The following PPP1R12B variants were observed in gnomAD, a reference collection of about 807,000 sequenced individuals.
PPP1R12B encodes protein phosphatase 1 regulatory subunit 12B, also known as myosin phosphatase target subunit 2.
A neutral mutation model predicts 126.1 loss-of-function variants in PPP1R12B; 76 were observed. The observed-to-expected ratio is 0.60, with a 90% CI of 0.50 to 0.73. The LOEUF (loss-of-function observed/expected upper bound fraction) is 0.73, where lower values mean the gene tolerates loss of function less well. Among genes scored for constraint, PPP1R12B ranks in the 30% least tolerant of loss-of-function variants. The pLI, the probability that PPP1R12B is intolerant of heterozygous loss-of-function variation, is 0.00. For missense variants in PPP1R12B, 1,052 were observed against 1,205.1 expected (o/e 0.87, Z 1.88); for synonymous variants, 356 against 434.7 (o/e 0.82, Z 2.25).
intron 18 of PPP1R12B, among the ~76,000 whole-genome samples, chr1:202,550,233 A>T (rs1273458322): frequency 1.3e-5 from 2 of 152,170 alleles, no homozygotes; most frequent in East Asian, 3.9e-4. Flanking sequence ...TCCTTTGTAA[A>T]AGTTTTGATT....
rs991519582 is a variant in PPP1R12B, at chr1:202,585,237, T to G, written c.*4677T>G. 21 of 152,304 alleles carry G rather than the reference T, an allele frequency of 1.4e-4. No individual in the cohort carries two copies. The highest frequency in any genetic ancestry group is 5.1e-4 in the African/African-American group (21 of 41,452). 9.4% of individuals were successfully genotyped at this position (152,304 alleles called of 1,614,324 possible). On this transcript the variant is annotated 3_prime_UTR_variant, in exon 24 of 24. Transcript: ENST00000608999. The stretch of plus-strand genomic sequence containing the variant: ...GTCTGAAGCTGCTGGGCTCAAGCAA[T>G]CCACCTGGCTGGGCCTCCCAAAGCG...
At chr1:202,542,961 C>T (rs768107919) in intron 18 of PPP1R12B, among the ~76,000 whole-genome samples, 3 of 152,198 alleles carry the variant, frequency 2.0e-5, no homozygotes, top group South Asian at 2.1e-4. Flanking sequence ...TTCTTCAAAA[C>T]GGAGGATTGA....
At chr1:202,577,770 T>G (rs982375932) in intron 23 of PPP1R12B, among the ~76,000 whole-genome samples, 1 of 152,170 alleles carries the variant, frequency 6.6e-6, no homozygotes, top group Non-Finnish European at 1.5e-5. Flanking sequence ...TTAGGACCCC[T>G]GTAGCCCCTT....
At chr1:202,371,858 C>CTTTTT (rs1193939057) in intron 1 of PPP1R12B, among the ~76,000 whole-genome samples, 10 of 75,330 alleles carry the variant, frequency 1.3e-4, no homozygotes, top group African/African-American at 2.4e-4. Flanking sequence ...ATTATAGTTT[C>CTTTTT]TTTTTTTTTT....
chr1:202,452,818 TTCTC>T (rs899652029), intron 13 of PPP1R12B, among the ~76,000 whole-genome samples: 3 of 151,890 alleles, frequency 2.0e-5, no homozygotes, highest in Non-Finnish European at 4.4e-5. Flanking sequence ...ATGTATTACT[TTCTC>T]TCTCTCTCTC....
chr1:202,402,626 G>A (rs1666011640), intron 1 of PPP1R12B, among the ~76,000 whole-genome samples: 1 of 152,194 alleles, frequency 6.6e-6, no homozygotes, highest in South Asian at 2.1e-4. Context: ...ACAAGACGCA[G>A]CTTTAAGAGA....
At chr1:202,449,846 C>A (rs1009155449) in intron 13 of PPP1R12B, among the ~76,000 whole-genome samples, 1 of 151,660 alleles carries the variant, frequency 6.6e-6, no homozygotes, top group African/African-American at 2.4e-5. Flanking sequence ...GCCACCATGC[C>A]CGGCTAATCT....
At chr1:202,572,492 G>A (rs1688698092) in intron 23 of PPP1R12B, among the ~76,000 whole-genome samples, 5 of 152,160 alleles carry the variant, frequency 3.3e-5, no homozygotes, top group Admixed American at 3.3e-4. Context: ...GTGCCTTTCT[G>A]GACTTTTATT....
chr1:202,575,140 T>A (rs1180653708), intron 23 of PPP1R12B: 1 of 1,612,050 alleles, frequency 6.2e-7, no homozygotes, highest in Non-Finnish European at 8.5e-7. Flanking sequence ...GCTCTAGTTC[T>A]TGCCCCTACT....
At chr1:202,367,577 C>T (rs1245902829) in intron 1 of PPP1R12B, among the ~76,000 whole-genome samples, 2 of 152,190 alleles carry the variant, frequency 1.3e-5, no homozygotes, top group African/African-American at 4.8e-5. Context: ...AAGGGCCTCA[C>T]ATCTGTTTTT....
intron 1 of PPP1R12B, among the ~76,000 whole-genome samples, chr1:202,394,837 T>A (rs1278403924): frequency 6.6e-6 from 1 of 151,580 alleles, no homozygotes; most frequent in African/African-American, 2.4e-5. Context: ...AGAAAATCAA[T>A]TTGGGCTGGA....
intron 12 of PPP1R12B, among the ~76,000 whole-genome samples, chr1:202,448,088 C>T (rs1672497743): frequency 6.6e-6 from 1 of 151,726 alleles, no homozygotes; most frequent in South Asian, 2.1e-4. Flanking sequence ...TACCCGTGAA[C>T]ATTTCTGCTA....
chr1:202,357,474 T>C (rs1183640544), intron 1 of PPP1R12B, among the ~76,000 whole-genome samples: 2 of 152,198 alleles, frequency 1.3e-5, no homozygotes, highest in South Asian at 2.1e-4. Context: ...AGAAAAAATA[T>C]AGATTTTCCA....
Position 202,349,066 on chromosome 1 carries a change from A to G in PPP1R12B, c.215A>G (p.Asp72Gly), listed in dbSNP as rs1461829863. 2 of 1,613,986 alleles carry G rather than the reference A, an allele frequency of 1.2e-6. No individual in the cohort carries two copies. The highest frequency in any genetic ancestry group is 1.3e-5 in the African/African-American group (1 of 74,944). ...GCCGCCTGCTCTAGCGGGGACACCG[A>G]CGAGGTGAGAAAGCTTCTGGCAAGA... is the stretch of plus-strand genomic sequence containing the variant. ...FLAACSSGDT[D>G]EVRKLLARGA... The change falls in exon 1 of 24, where the codon GAC (aspartate) becomes GGC (glycine). Residue 72 changes from aspartate (D) to glycine (G), a missense_variant. Transcript: ENST00000608999.
chr1:202,387,316 A>G (rs1663314477), intron 1 of PPP1R12B, among the ~76,000 whole-genome samples: 1 of 152,230 alleles, frequency 6.6e-6, no homozygotes, highest in Non-Finnish European at 1.5e-5. Context: ...AGAAGGTTTC[A>G]TTGAGTTCTA....
At chr1:202,572,992 G>C (rs1688752566) in intron 23 of PPP1R12B, among the ~76,000 whole-genome samples, 1 of 152,084 alleles carries the variant, frequency 6.6e-6, no homozygotes, top group Admixed American at 6.5e-5. Context: ...ATACTCACTT[G>C]TCAGATTGAG....
chr1:202,401,468 C>T (rs1665841106), intron 1 of PPP1R12B, among the ~76,000 whole-genome samples: 1 of 140,874 alleles, frequency 7.1e-6, no homozygotes, highest in Non-Finnish European at 1.5e-5. Context: ...CCTTGGTCTC[C>T]CAAATAAAGT....
At chr1:202,370,960 A>G (rs570586333) in intron 1 of PPP1R12B, among the ~76,000 whole-genome samples, 153 of 134,022 alleles carry the variant, frequency 1.1e-3, no homozygotes, top group South Asian at 1.9e-3. Flanking sequence ...GATATCTGAT[A>G]TTGTCATTTT....
In PPP1R12B at chr1:202,512,825, A is replaced by G. The variant is rs180706934; in HGVS notation, c.2490+16003A>G. Among the ~76,000 whole-genome samples, 255 of 152,152 alleles carry G rather than the reference A, an allele frequency of 1.7e-3. 2 individuals carry two copies. The highest frequency in any genetic ancestry group is 5.9e-3 in the African/African-American group (246 of 41,524). On this transcript the variant is annotated intron_variant, in intron 18 of 23. Transcript: ENST00000608999. The stretch of plus-strand genomic sequence containing the variant: ...TACTCCACTTTTTAAAAACATATTC[A>G]TGTTTTAGGTTAAGCACCACCTCCT...
Sources: gnomAD v4.1 joint callset for allele counts (sites outside exome capture counted in the v4.1 genomes callset) on GRCh38, gnomAD v4.1.1 for gene constraint, MANE v1.5 for transcripts, NCBI Gene and HGNC (gene_info 2026-07-23, HGNC 2026-07-21) for gene names.